ESR1: variants seen among roughly 807,000 people sequenced by gnomAD.
ESR1 encodes estrogen receptor 1.
ESR1 carries 12 observed loss-of-function variants against 52.7 expected under a neutral mutation model. That is an observed-to-expected ratio of 0.23 (90% CI 0.15 to 0.37). The LOEUF is 0.37. Ranked by LOEUF, ESR1 falls within the 10% of genes least tolerant of loss-of-function variation. The pLI, the probability that ESR1 is intolerant of heterozygous loss-of-function variation, is 1.00. For synonymous variants in ESR1, 305 were observed against 316.8 expected (o/e 0.96, Z 0.39); for missense variants, 584 against 779.7 (o/e 0.75, Z 2.99).
chr6:152,094,645 A>G lies in ESR1; in HGVS notation c.1553+77A>G, dbSNP rs2152497315. ...CAAACCTATGTGACAGCTGGCCGGGAAGGACTGGTGCCTGCATATGGAGAG... is the reference window on the plus strand; with the variant it reads ...CAAACCTATGTGACAGCTGGCCGGGGAGGACTGGTGCCTGCATATGGAGAG... On this transcript the variant is annotated intron_variant, in intron 7 of 7. Transcript: ENST00000206249. The surrounding 1 kb of genome is among the most constrained non-coding windows in gnomAD (Gnocchi z 4.6). 3 of 1,376,074 alleles carry G rather than the reference A, an allele frequency of 2.2e-6. No homozygotes were observed. Among genetic ancestry groups the G allele is most frequent in the African/African-American group, 1.4e-5 (1 of 70,528 alleles). The allele number at this position is 1,376,074 out of a possible 1,614,324, so 85.2% of individuals were successfully genotyped here.
intron 1 of ESR1, among the ~76,000 whole-genome samples, chr6:151,838,907 C>T (rs1256234794): frequency 1.3e-5 from 2 of 152,122 alleles, no homozygotes; most frequent in African/African-American, 2.4e-5. Flanking sequence ...TGACAGCATA[C>T]ATCTTTGCTA....
rs143567584 is a variant in ESR1, at chr6:151,862,702, C to T, written c.644-17953C>T. Among the ~76,000 whole-genome samples, 662 of 152,236 alleles carry T rather than the reference C, an allele frequency of 4.3e-3. 3 individuals are homozygous for T. The highest frequency in any genetic ancestry group is 0.014 in the African/African-American group (563 of 41,546). On this transcript the variant is annotated intron_variant, in intron 2 of 7. Transcript: ENST00000206249. ...TTGGGTACCTGCTGCTTGTTCTTTG[C>T]TGGGGTATCTGAAGACTGAAAACAC...
At chr6:151,902,308 C>A (rs1415683285) in intron 3 of ESR1, among the ~76,000 whole-genome samples, 1 of 152,128 alleles carries the variant, frequency 6.6e-6, no homozygotes, top group African/African-American at 2.4e-5. Context: ...TCTCAGGGAT[C>A]AAGGAAGCTC....
At chr6:151,843,950 G>A (rs1001125627) in intron 2 of ESR1, among the ~76,000 whole-genome samples, 10 of 150,950 alleles carry the variant, frequency 6.6e-5, no homozygotes, top group Non-Finnish European at 1.0e-4. Flanking sequence ...TCTTAATCGA[G>A]TAGCATGTGA....
chr6:152,076,688 A>G (rs1217800762), intron 6 of ESR1, among the ~76,000 whole-genome samples: 1 of 152,172 alleles, frequency 6.6e-6, no homozygotes, highest in Admixed American at 6.5e-5. Context: ...GGGATGAAGA[A>G]ACTGTTGGGA....
chr6:151,769,952 C>T (rs775693368), intron 2 of ESR1, among the ~76,000 whole-genome samples: 5 of 150,892 alleles, frequency 3.3e-5, no homozygotes, highest in African/African-American at 4.9e-5. Context: ...CGCTTGAATC[C>T]GGGAGGTGAA....
intron 2 of ESR1, among the ~76,000 whole-genome samples, chr6:151,786,698 A>G (rs76418571): frequency 6.7e-6 from 1 of 149,438 alleles, no homozygotes. Flanking sequence ...TCTGGTAGGC[A>G]TTGAATGTGT....
exon 7 of ESR1, chr6:152,128,422 A>C (rs770561562): frequency 4.6e-5 from 7 of 152,248 alleles, no homozygotes; most frequent in Non-Finnish European, 8.8e-5. Flanking sequence ...TTGTAGGCCC[A>C]GGGCCTAAAT....
At chr6:151,661,071 G>A (rs1777621147) in intron 1 of ESR1, among the ~76,000 whole-genome samples, 1 of 152,106 alleles carries the variant, frequency 6.6e-6, no homozygotes, top group African/African-American at 2.4e-5. Context: ...AAACAAAATA[G>A]GAGATGTGTC....
chr6:151,794,791 C>T (rs544449496), intron 2 of ESR1, among the ~76,000 whole-genome samples: 30 of 152,260 alleles, frequency 2.0e-4, no homozygotes, highest in Middle Eastern at 3.4e-3. Flanking sequence ...AAGGTGCCAA[C>T]ATGCATGGCT....
intron 6 of ESR1, chr6:152,122,047 G>A: frequency 3.3e-6 from 1 of 301,072 alleles, no homozygotes; most frequent in South Asian, 3.6e-5. Flanking sequence ...TGCTTGGGAG[G>A]GTCATTTATC....
At chr6:152,044,295 A>G (rs1388242999) in intron 5 of ESR1, among the ~76,000 whole-genome samples, 1 of 152,186 alleles carries the variant, frequency 6.6e-6, no homozygotes, top group Non-Finnish European at 1.5e-5. Context: ...GCGTCTAATC[A>G]TATTTAGCAG....
chr6:151,711,390 T>C (rs1780598580), intron 2 of ESR1, among the ~76,000 whole-genome samples: 1 of 152,004 alleles, frequency 6.6e-6, no homozygotes, highest in South Asian at 2.1e-4. Context: ...CCCAGCTAAT[T>C]TTTTGTATTT....
At position 151,842,602 on chromosome 6, in the gene ESR1, A is replaced by G. The variant is rs764125878; in HGVS notation, c.458A>G (p.Asn153Ser). The change falls in exon 2 of 8, where the codon AAT (asparagine) becomes AGT (serine). Residue 153 changes from asparagine to serine, a missense_variant. By Grantham distance (46) the Asn-to-Ser change is conservative. Coordinates refer to ENST00000206249, the MANE Select transcript of ESR1 (RefSeq NM_000125.4). Reference protein sequence around the residue: ...EAGPPAFYRPNSDNRRQGGRE... With the variant: ...EAGPPAFYRPSSDNRRQGGRE... ...TACTGTTTTTTTCCCCCCAGGCCAA[A>G]TTCAGATAATCGACGCCAGGGTGGC... is the stretch of plus-strand genomic sequence containing the variant. 6.2e-7 allele frequency: 1 copy of G among 1,613,290 alleles called. No individual in the cohort carries two copies. The highest frequency in any genetic ancestry group is 8.5e-7 in the Non-Finnish European group (1 of 1,179,728).
chr6:151,722,623 A>C (rs1439537769), intron 2 of ESR1, among the ~76,000 whole-genome samples: 1 of 152,266 alleles, frequency 6.6e-6, no homozygotes, highest in Non-Finnish European at 1.5e-5. Flanking sequence ...ACAACTTTGC[A>C]TATAGCCACT....
At chr6:152,082,456 C>T (rs748516166) in intron 6 of ESR1, among the ~76,000 whole-genome samples, 187 of 152,144 alleles carry the variant, frequency 1.2e-3, no homozygotes, top group Non-Finnish European at 9.4e-4. Flanking sequence ...ATTGATGGAA[C>T]GTACCTCAAA....
In ESR1 at chr6:151,997,483, T is replaced by C. The variant is rs145921124; in HGVS notation, c.1097-14173T>C. Among the ~76,000 whole-genome samples the C allele has an allele frequency of 7.4e-4, 112 of 152,240 alleles. 1 individual carries two copies. The highest frequency in any genetic ancestry group is 2.4e-3 in the African/African-American group (101 of 41,576). On this transcript the variant is annotated intron_variant, in intron 4 of 7. Transcript: ENST00000206249. ...CAGTGTTGCAAAATGAGTCAGAAGATACAAAGTATCTCATAGGATAATATT... is the reference window on the plus strand; with the variant it reads ...CAGTGTTGCAAAATGAGTCAGAAGACACAAAGTATCTCATAGGATAATATT...
intron 6 of ESR1, chr6:152,122,191 T>A: frequency 3.4e-6 from 2 of 580,770 alleles, no homozygotes; most frequent in South Asian, 1.9e-5. Context: ...ATCTCCTTAG[T>A]GCTAAGGTTC....
chr6:152,008,980 G>T (rs2042553932), intron 4 of ESR1, among the ~76,000 whole-genome samples: 1 of 151,974 alleles, frequency 6.6e-6, no homozygotes, highest in Admixed American at 6.6e-5. Flanking sequence ...GAGATCGTGG[G>T]TATTGAGAAA....
Sources: allele counts gnomAD v4.1 joint callset (sites outside exome capture counted in the v4.1 genomes callset), GRCh38; gene constraint gnomAD v4.1.1; non-coding constraint Gnocchi (gnomAD v3.1); transcripts MANE v1.5; gene names NCBI Gene and HGNC (gene_info 2026-07-23, HGNC 2026-07-21).